The following COG5 variants were observed in gnomAD, a reference collection of about 807,000 sequenced individuals.
The protein encoded by COG5 is conserved oligomeric Golgi complex subunit 5.
In COG5, 86 loss-of-function variants were observed where a neutral mutation model predicts 110.4. That is an observed-to-expected ratio of 0.78 (90% CI 0.65 to 0.93). The LOEUF (loss-of-function observed/expected upper bound fraction) is 0.93, where lower values mean the gene tolerates loss of function less well. COG5 is among the 40% of genes least tolerant of loss of function. The probability of loss-of-function intolerance (pLI) is 0.00; values close to 1 mark genes in which losing one functional copy is unlikely to be tolerated. For synonymous variants in COG5, 360 were observed against 334.6 expected (o/e 1.08, Z -0.83); for missense variants, 1,077 against 987.0 (o/e 1.09, Z -1.22).
At chr7:107,442,007 T>G (rs2129086954) in intron 6 of COG5, among the ~76,000 whole-genome samples, 1 of 152,350 alleles carries the variant, frequency 6.6e-6, no homozygotes, top group East Asian at 1.9e-4. Flanking sequence ...GAAAGAAATC[T>G]TACACAATTT....
intron 10 of COG5, among the ~76,000 whole-genome samples, chr7:107,355,583 G>A (rs1812553083): frequency 1.3e-5 from 2 of 152,174 alleles, no homozygotes; most frequent in African/African-American, 4.8e-5. Context: ...ATGGAATATT[G>A]TTCAGTGATT....
chr7:107,540,737 T>C (rs991561441), intron 5 of COG5, among the ~76,000 whole-genome samples: 8 of 151,036 alleles, frequency 5.3e-5, no homozygotes, highest in African/African-American at 1.9e-4. Flanking sequence ...ATTTCTAATA[T>C]CCAATAAAAA....
intron 14 of COG5, 76 bp from the exon 15 acceptor site, chr7:107,258,459 C>CACAT: frequency 1.2e-6 from 1 of 819,104 alleles, no homozygotes; most frequent in Admixed American, 1.7e-5. Flanking sequence ...CTCACACACA[C>CACAT]ACATACACAC....
At chr7:107,506,725 C>G (rs1480709670) in intron 6 of COG5, among the ~76,000 whole-genome samples, 1 of 152,168 alleles carries the variant, frequency 6.6e-6, no homozygotes, top group Non-Finnish European at 1.5e-5. Context: ...TGCGGGAAAA[C>G]AGGAACCACA....
At chr7:107,378,185 C>A (rs1437123051) in intron 7 of COG5, among the ~76,000 whole-genome samples, 2 of 152,014 alleles carry the variant, frequency 1.3e-5, no homozygotes, top group African/African-American at 2.4e-5. Context: ...GGGGTCTGAC[C>A]GTCAGAAGGA....
In COG5 at chr7:107,309,977, T is replaced by C. The variant is rs1024906168; in HGVS notation, c.1109-11631A>G. Among the ~76,000 whole-genome samples, 12 of 152,174 alleles carry C rather than the reference T, an allele frequency of 7.9e-5. No individual in the cohort carries two copies. The South Asian group carries it at 2.3e-3, about 29-fold the overall frequency. ...CAGTTTTTTAAAAATATAAGGAAAA[T>C]GTATATTTATGTCACCTCTTTCTTA... is the stretch of plus-strand genomic sequence containing the variant. On this transcript the variant is annotated intron_variant, in intron 11 of 21. Transcript: ENST00000297135.
intron 19 of COG5, among the ~76,000 whole-genome samples, chr7:107,222,739 TGAAA>T: frequency 6.6e-6 from 1 of 152,166 alleles, no homozygotes; most frequent in African/African-American, 2.4e-5. Context: ...AAGTGCTTTA[TGAAA>T]CAAAAAGAAA....
chr7:107,489,559 G>C (rs1465676123), intron 6 of COG5, among the ~76,000 whole-genome samples: 1 of 152,006 alleles, frequency 6.6e-6, no homozygotes, highest in Non-Finnish European at 1.5e-5. Flanking sequence ...AAATAAAAGT[G>C]AAAGTCCAAG....
In COG5 at chr7:107,476,447, T is replaced by A. The variant is rs376588790; in HGVS notation, c.538+50790A>T. Among the ~76,000 whole-genome samples, 8 of 151,606 alleles carry A rather than the reference T, an allele frequency of 5.3e-5. No individual in the cohort carries two copies. The East Asian group carries it at 1.5e-3, about 29-fold the overall frequency. ...GTAATTCAAAATGAGTTGTTTTATT[T>A]CCACACTGAAATCACTAAGGTAACA... On this transcript the variant is annotated intron_variant, in intron 6 of 21. Coordinates refer to ENST00000297135, the MANE Select transcript of COG5 (RefSeq NM_006348.5).
chr7:107,343,460 T>C (rs1446900796), intron 10 of COG5, among the ~76,000 whole-genome samples: 1 of 152,016 alleles, frequency 6.6e-6, no homozygotes, highest in African/African-American at 2.4e-5. Context: ...GCTGGCAGAT[T>C]GCTTGAGCTC....
intron 10 of COG5, among the ~76,000 whole-genome samples, chr7:107,344,271 T>C (rs990431504): frequency 6.6e-6 from 1 of 152,244 alleles, no homozygotes; most frequent in African/African-American, 2.4e-5. Flanking sequence ...AGTTTCTACA[T>C]TAGCACTTGC....
intron 6 of COG5, among the ~76,000 whole-genome samples, chr7:107,458,073 G>A (rs990158142): frequency 3.9e-5 from 6 of 152,136 alleles, no homozygotes; most frequent in African/African-American, 1.4e-4. Flanking sequence ...CAGAAACCAA[G>A]CATGCCATAA....
chr7:107,271,513 A>G (rs1252696995), intron 14 of COG5, among the ~76,000 whole-genome samples: 2 of 152,084 alleles, frequency 1.3e-5, no homozygotes, highest in Admixed American at 1.3e-4. Flanking sequence ...TTGCCAAATT[A>G]TTCCTAGAAT....
intron 3 of COG5, among the ~76,000 whole-genome samples, chr7:107,553,211 C>T (rs1803056166): frequency 6.6e-6 from 1 of 152,088 alleles, no homozygotes; most frequent in African/African-American, 2.4e-5. Flanking sequence ...CAGGTACAAA[C>T]CTACACATAT....
intron 3 of COG5, among the ~76,000 whole-genome samples, chr7:107,551,889 T>C (rs1016804980): frequency 9.9e-5 from 15 of 152,232 alleles, no homozygotes; most frequent in Admixed American, 8.5e-4. Flanking sequence ...GTGCTGGGAT[T>C]ATAGGCGTGA....
intron 7 of COG5, among the ~76,000 whole-genome samples, chr7:107,389,135 G>A (rs965253211): frequency 3.3e-5 from 5 of 151,958 alleles, no homozygotes; most frequent in African/African-American, 7.3e-5. Context: ...CCTTTCTTTC[G>A]CCCTGTCACC....
chr7:107,366,184 A>G (rs947831733), intron 8 of COG5, among the ~76,000 whole-genome samples: 1 of 152,182 alleles, frequency 6.6e-6, no homozygotes, highest in Non-Finnish European at 1.5e-5. Context: ...TAGAAAAAAC[A>G]CAAGTTATAA....
chr7:107,484,279 C>T (rs1006425720), intron 6 of COG5, among the ~76,000 whole-genome samples: 1 of 152,048 alleles, frequency 6.6e-6, no homozygotes, highest in Non-Finnish European at 1.5e-5. Flanking sequence ...TCAGAGCAAA[C>T]AGCATGAAAA....
At chr7:107,462,773 T>C (rs1392491032) in intron 6 of COG5, among the ~76,000 whole-genome samples, 5 of 152,108 alleles carry the variant, frequency 3.3e-5, no homozygotes, top group Non-Finnish European at 4.4e-5. Flanking sequence ...TCTGATACAA[T>C]AACGAATCCA....
Sources: allele counts gnomAD v4.1 joint callset (sites outside exome capture counted in the v4.1 genomes callset), GRCh38; gene constraint gnomAD v4.1.1; transcripts MANE v1.5; gene names NCBI Gene and HGNC (gene_info 2026-07-23, HGNC 2026-07-21).